Variants in MED12L observed in about 807,000 individuals in gnomAD.
MED12L encodes mediator of RNA polymerase II transcription subunit 12-like protein.
A neutral mutation model predicts 281.3 loss-of-function variants in MED12L; 60 were observed. The ratio of observed to expected loss-of-function variants is 0.21; its 90% CI spans 0.17 to 0.26. MED12L has a LOEUF of 0.26. MED12L is among the 10% of genes least tolerant of loss of function. MED12L has a pLI of 1.00. For synonymous variants in MED12L, 974 were observed against 987.2 expected (o/e 0.99, Z 0.25); for missense variants, 2,146 against 2,680.9 (o/e 0.80, Z 4.41).
intron 11 of MED12L, among the ~76,000 whole-genome samples, chr3:151,180,516 A>T (rs1440662918): frequency 1.3e-5 from 2 of 152,274 alleles, no homozygotes; most frequent in African/African-American, 4.8e-5. Context: ...TTAAAAAGAA[A>T]GCACATTAAT....
intron 14 of MED12L, 76 bp downstream of exon 14, chr3:151,191,007 A>G (rs780764992): frequency 1.8e-5 from 23 of 1,295,808 alleles, no homozygotes; most frequent in African/African-American, 1.6e-4. Flanking sequence ...TGGGTCATGT[A>G]GTGGTAGAAG....
chr3:151,382,577 G>T (rs1553804279), intron 32 of MED12L, 79 bp from the exon 33 acceptor site: 1 of 874,438 alleles, frequency 1.1e-6, no homozygotes, highest in South Asian at 2.1e-5. Context: ...GTGGTTTTTT[G>T]CTATCAGTAT....
In MED12L at chr3:151,382,867, T is replaced by C. The variant is rs960426618; in HGVS notation, c.4680+122T>C. On this transcript the variant is annotated intron_variant, in intron 33 of 44. Transcript: ENST00000687756. Reference sequence around the variant, plus strand: ...CAAGGTGAGGCCTTCCACTCTTTGCTCTCTGTAATTACTTCCCTGTTTCTA... The same window carrying C: ...CAAGGTGAGGCCTTCCACTCTTTGCCCTCTGTAATTACTTCCCTGTTTCTA... 7 of 679,796 alleles carry C rather than the reference T, an allele frequency of 1.0e-5. No homozygotes were observed. In the Admixed American group the frequency reaches 1.9e-4, roughly 18 times the overall value. 42.1% of individuals were successfully genotyped at this position (679,796 alleles called of 1,614,324 possible). A position where few individuals can be genotyped will look rare whatever the true frequency, so the allele number is the denominator to read the frequency against.
At chr3:151,231,424 A>T (rs1196885783) in intron 16 of MED12L, among the ~76,000 whole-genome samples, 1 of 152,202 alleles carries the variant, frequency 6.6e-6, no homozygotes, top group East Asian at 1.9e-4. Flanking sequence ...GAATGATCCA[A>T]CTTACCAAAA....
At position 151,409,265 on chromosome 3, in the gene MED12L, C is replaced by G; in HGVS notation, c.5843C>G (p.Ala1948Gly). The G allele has an allele frequency of 1.9e-6, 3 of 1,608,758 alleles. No individual in the cohort carries two copies. Among genetic ancestry groups the G allele is most frequent in the Non-Finnish European group, 2.5e-6 (3 of 1,178,410 alleles). The change falls in exon 40 of 45, where the codon GCT becomes GGT. Residue 1948 changes from alanine (A) to glycine (G), a missense_variant. Physicochemically the swap from Ala to Gly is moderately conservative, Grantham distance 60. This residue lies in a region of MED12L where 496 missense variants were observed against 512.0 expected (regional missense o/e 0.97). Coordinates refer to ENST00000687756, the MANE Select transcript of MED12L (RefSeq NM_001393769.1). ...FQQGQPGDQA[A>G]LFAAQARPSP... ...CAGGGCCAGCCGGGGGACCAGGCTG[C>G]TCTCTTTGCTGCGCAAGCACGGCCC...
chr3:151,374,923 A>G (rs1756643674), intron 27 of MED12L, among the ~76,000 whole-genome samples: 2 of 152,128 alleles, frequency 1.3e-5, no homozygotes, highest in African/African-American at 2.4e-5. Context: ...TTTGTTTTAA[A>G]AGTTCTCTTA....
chr3:151,143,501 T>G (rs1035793916), intron 5 of MED12L, among the ~76,000 whole-genome samples: 10 of 152,066 alleles, frequency 6.6e-5, no homozygotes, highest in African/African-American at 9.7e-5. Flanking sequence ...GGAGAGGAGG[T>G]GAGGGTCGTG....
chr3:151,403,226 C>T (rs1163391329), intron 39 of MED12L, among the ~76,000 whole-genome samples: 2 of 152,064 alleles, frequency 1.3e-5, no homozygotes, highest in Non-Finnish European at 2.9e-5. Context: ...CCCCTTTGAT[C>T]GCCTCATGAT....
chr3:151,271,116 A>G (rs932345281), intron 16 of MED12L, among the ~76,000 whole-genome samples: 1 of 152,132 alleles, frequency 6.6e-6, no homozygotes, highest in Non-Finnish European at 1.5e-5. Context: ...AATATTCACA[A>G]AAGTATCTCT....
At chr3:151,358,343 T>C (rs913191610) in intron 20 of MED12L, among the ~76,000 whole-genome samples, 2 of 152,130 alleles carry the variant, frequency 1.3e-5, no homozygotes, top group Admixed American at 6.6e-5. Flanking sequence ...AGTTTGAATT[T>C]AGTATTATTT....
intron 16 of MED12L, among the ~76,000 whole-genome samples, chr3:151,301,011 C>CT (rs893587399): frequency 6.6e-6 from 1 of 152,166 alleles, no homozygotes; most frequent in Non-Finnish European, 1.5e-5. Context: ...AGAATCCACT[C>CT]TTTTGAGAGT....
At chr3:151,250,815 C>T (rs143518098) in intron 16 of MED12L, among the ~76,000 whole-genome samples, 42 of 152,064 alleles carry the variant, frequency 2.8e-4, no homozygotes, top group African/African-American at 7.5e-4. Context: ...TGTGGTAATC[C>T]TATGTTAATT....
chr3:151,240,751 C>T (rs1559922613), intron 16 of MED12L, among the ~76,000 whole-genome samples: 1 of 152,240 alleles, frequency 6.6e-6, no homozygotes, highest in Non-Finnish European at 1.5e-5. Context: ...GTTTTGTGCA[C>T]TCTTGCATCT....
At chr3:151,111,416 C>T (rs764597818) in intron 2 of MED12L, among the ~76,000 whole-genome samples, 10 of 152,114 alleles carry the variant, frequency 6.6e-5, no homozygotes, top group South Asian at 2.1e-4. Context: ...TTACTATCCC[C>T]GTTTTACAAT....
intron 16 of MED12L, among the ~76,000 whole-genome samples, chr3:151,349,441 G>T (rs1386007371): frequency 6.6e-6 from 1 of 152,144 alleles, no homozygotes; most frequent in Non-Finnish European, 1.5e-5. Flanking sequence ...AGTCATGTTG[G>T]AAATAAATGG....
At chr3:151,096,916 G>A (rs937745258) in intron 2 of MED12L, among the ~76,000 whole-genome samples, 3 of 152,236 alleles carry the variant, frequency 2.0e-5, no homozygotes, top group Non-Finnish European at 4.4e-5. Context: ...GGCACCCGGT[G>A]CCTCTTTGAG....
intron 13 of MED12L, among the ~76,000 whole-genome samples, chr3:151,189,229 C>T (rs1170484557): frequency 3.3e-5 from 5 of 152,162 alleles, no homozygotes; most frequent in African/African-American, 1.2e-4. Context: ...CTTCTGAGTC[C>T]TCTGAGGAGG....
At chr3:151,409,751 A>G (rs920272732) in intron 40 of MED12L, among the ~76,000 whole-genome samples, 1 of 152,104 alleles carries the variant, frequency 6.6e-6, no homozygotes, top group African/African-American at 2.4e-5. Flanking sequence ...CACCCCCAGA[A>G]TTTGAGACCA....
intron 16 of MED12L, among the ~76,000 whole-genome samples, chr3:151,273,188 G>T (rs1433915988): frequency 3.3e-5 from 5 of 149,880 alleles, no homozygotes; most frequent in Non-Finnish European, 7.4e-5. Flanking sequence ...TGGGAAAGAA[G>T]ATGATGCTGG....
Sources: allele counts gnomAD v4.1 joint callset (sites outside exome capture counted in the v4.1 genomes callset), GRCh38; gene constraint gnomAD v4.1.1; regional missense constraint gnomAD v4.1.1; transcripts MANE v1.5; gene names NCBI Gene and HGNC (gene_info 2026-07-23, HGNC 2026-07-21).